Variants in RAB8B observed in about 807,000 individuals in gnomAD.
The protein encoded by RAB8B is ras-related protein Rab-8B.
RAB8B carries 11 observed loss-of-function variants against 32.0 expected under a neutral mutation model. That is an observed-to-expected ratio of 0.34 (90% confidence interval 0.22 to 0.57). The LOEUF is 0.57. RAB8B is among the 20% of genes least tolerant of loss of function. RAB8B has a pLI of 0.86. For synonymous variants in RAB8B, 103 were observed against 89.6 expected (o/e 1.15, Z -0.85); for missense variants, 190 against 258.5 (o/e 0.73, Z 1.82).
At chr15:63,212,513 T>G (rs1439996391) in intron 1 of RAB8B, among the ~76,000 whole-genome samples, 1 of 152,172 alleles carries the variant, frequency 6.6e-6, no homozygotes, top group Non-Finnish European at 1.5e-5. Flanking sequence ...TAGTGATAAT[T>G]TGGCATCACT....
chr15:63,205,544 G>A (rs1307774954), intron 1 of RAB8B, among the ~76,000 whole-genome samples: 2 of 152,042 alleles, frequency 1.3e-5, no homozygotes, highest in Non-Finnish European at 2.9e-5. Context: ...GATGATATGT[G>A]GTAGGGACAA....
At chr15:63,226,771 G>A (rs556656725) in intron 1 of RAB8B, among the ~76,000 whole-genome samples, 41 of 152,252 alleles carry the variant, frequency 2.7e-4, no homozygotes, top group African/African-American at 9.6e-4. Context: ...ATTCAGGGCG[G>A]GTCTGCAGTG....
chr15:63,195,049 A>G (rs1448304821), intron 1 of RAB8B, among the ~76,000 whole-genome samples: 1 of 152,260 alleles, frequency 6.6e-6, no homozygotes, highest in Non-Finnish European at 1.5e-5. Flanking sequence ...TTGGCTGAGC[A>G]TAATCCAGAT....
At chr15:63,210,982 A>G (rs945161649) in intron 1 of RAB8B, among the ~76,000 whole-genome samples, 1 of 152,200 alleles carries the variant, frequency 6.6e-6, no homozygotes, top group Non-Finnish European at 1.5e-5. Context: ...CCAGAGCTCA[A>G]CTCAACCTGA....
chr15:63,218,103 T>C (rs72747095), intron 1 of RAB8B, among the ~76,000 whole-genome samples: 2,840 of 151,402 alleles, frequency 0.019, 41 homozygotes, highest in Middle Eastern at 0.041. Context: ...ATCTGTTCTT[T>C]TTTTTTTATG....
Position 63,259,729 on chromosome 15 carries a change from C to T in RAB8B, c.480+37C>T. On this transcript the variant is annotated intron_variant, in intron 6 of 7. Transcript: ENST00000321437. This position sits in a 1 kb window ranked among gnomAD's most constrained non-coding sequence, Gnocchi z 4.4. The stretch of plus-strand genomic sequence containing the variant: ...ACGTTTGGTGACTGTTACGGAGCAG[C>T]ACCAGTGCTTAGGGGCCTGTGTTCA... 3 of 1,571,244 alleles carry T rather than the reference C, an allele frequency of 1.9e-6. No individual in the cohort carries two copies. The East Asian group carries it at 6.7e-5, about 35-fold the overall frequency.
At chr15:63,260,175 A>G (rs549095592) in intron 6 of RAB8B, among the ~76,000 whole-genome samples, 1 of 152,316 alleles carries the variant, frequency 6.6e-6, no homozygotes, top group Admixed American at 6.5e-5. Context: ...AATTTCTAGC[A>G]TCTAGCCTCC....
rs1025851711 is a variant in RAB8B, at chr15:63,259,537, C to G, written c.415-90C>G. On this transcript the variant is annotated intron_variant, in intron 5 of 7. Coordinates refer to ENST00000321437, the MANE Select transcript of RAB8B (RefSeq NM_016530.3). This position sits in a 1 kb window ranked among gnomAD's most constrained non-coding sequence, Gnocchi z 4.4. ...AGGAGTTCTGAAATAGATACCCTAC[C>G]TTTGAGACTTTGAAAAACCTAAGAA... 1.7e-5 allele frequency: 19 copies of G among 1,143,968 alleles called. No individual in the cohort carries two copies. Among genetic ancestry groups the G allele is most frequent in the Non-Finnish European group, 2.2e-5 (17 of 779,718 alleles). The allele number at this position is 1,143,968 out of a possible 1,614,324, so 70.9% of individuals were successfully genotyped here.
chr15:63,247,188 A>G (rs1030470895), intron 2 of RAB8B, among the ~76,000 whole-genome samples: 3 of 152,200 alleles, frequency 2.0e-5, no homozygotes, highest in East Asian at 1.9e-4. Context: ...GATCATCTCT[A>G]TGGTGTGAAG....
intron 1 of RAB8B, among the ~76,000 whole-genome samples, chr15:63,190,221 A>ACG (rs1567005679): frequency 4.6e-5 from 7 of 152,016 alleles, no homozygotes; most frequent in African/African-American, 1.7e-4. Context: ...GACAGAGGAC[A>ACG]CAAGGGACAG....
chr15:63,223,797 T>C, intron 1 of RAB8B: 1 of 388,926 alleles, frequency 2.6e-6, no homozygotes, highest in Non-Finnish European at 5.1e-6. Flanking sequence ...ACTGATACAC[T>C]GTTCCAAAAA....
At chr15:63,245,783 G>A (rs2038065855) in intron 2 of RAB8B, among the ~76,000 whole-genome samples, 2 of 152,158 alleles carry the variant, frequency 1.3e-5, no homozygotes, top group Admixed American at 6.5e-5. Context: ...AGATATCTTG[G>A]GGATGGGACC....
intron 1 of RAB8B, among the ~76,000 whole-genome samples, chr15:63,210,943 G>GT (rs2037741846): frequency 6.6e-6 from 1 of 152,220 alleles, no homozygotes; most frequent in African/African-American, 2.4e-5. Flanking sequence ...GAGATACTGT[G>GT]TGGTGTGGTT....
At chr15:63,263,484 T>G (rs1297030559) in intron 7 of RAB8B, 43 bp from the exon 8 acceptor site, 11 of 1,488,154 alleles carry the variant, frequency 7.4e-6, no homozygotes, top group Non-Finnish European at 1.0e-5. Context: ...GGTCAAACCA[T>G]GAAACTTTTA....
intron 1 of RAB8B, among the ~76,000 whole-genome samples, chr15:63,231,715 G>A (rs555934390): frequency 1.3e-4 from 20 of 152,294 alleles, no homozygotes; most frequent in Admixed American, 3.3e-4. Context: ...TTGTTTTGGA[G>A]CAGTTTGGTT....
At position 63,256,522 on chromosome 15, in the gene RAB8B, C is replaced by G; in HGVS notation, c.342C>G (p.Val114=). Residue 114 remains valine (V), a synonymous_variant, in exon 5 of 8, where the codon GTC becomes GTG. Transcript: ENST00000321437. ...CCCTGCAGCATGCCTCTTCCGATGT[C>G]GAAAGAATGATCCTGGGTAACAAAT... ...RNIEEHASSD[V]ERMILGNKCD... 2 of 1,600,246 alleles carry G rather than the reference C, an allele frequency of 1.2e-6. No individual in the cohort carries two copies. The highest frequency in any genetic ancestry group is 1.7e-6 in the Non-Finnish European group (2 of 1,175,740).
At chr15:63,224,982 C>CT (rs991677655) in intron 1 of RAB8B, among the ~76,000 whole-genome samples, 2 of 152,238 alleles carry the variant, frequency 1.3e-5, no homozygotes, top group African/African-American at 4.8e-5. Context: ...GTACAAGTTA[C>CT]TTAACCTCTT....
chr15:63,209,357 G>C (rs979148896), intron 1 of RAB8B, among the ~76,000 whole-genome samples: 11 of 151,984 alleles, frequency 7.2e-5, no homozygotes, highest in African/African-American at 2.7e-4. Flanking sequence ...TTGGGAGGCC[G>C]AGGCAGGTGG....
intron 5 of RAB8B, 59 bp downstream of exon 5, chr15:63,256,653 T>C (rs956109649): frequency 1.7e-5 from 21 of 1,214,318 alleles, no homozygotes; most frequent in Non-Finnish European, 2.3e-5. Flanking sequence ...ATTTCTTTTC[T>C]TCATATTATT....
Sources: allele counts gnomAD v4.1 joint callset (sites outside exome capture counted in the v4.1 genomes callset), GRCh38; gene constraint gnomAD v4.1.1; non-coding constraint Gnocchi (gnomAD v3.1); transcripts MANE v1.5; gene names NCBI Gene and HGNC (gene_info 2026-07-23, HGNC 2026-07-21).